Variants in FILIP1L observed in about 807,000 individuals in gnomAD.
FILIP1L encodes filamin A interacting protein 1 like.
Under a neutral mutation model 96.6 loss-of-function variants are expected in FILIP1L, and 55 were observed. The observed-to-expected ratio is 0.57, with a 90% CI of 0.46 to 0.71. The LOEUF (loss-of-function observed/expected upper bound fraction) is 0.71. FILIP1L is among the 30% of genes least tolerant of loss of function. The probability of loss-of-function intolerance (pLI) is 0.00; values close to 1 mark genes in which losing one functional copy is unlikely to be tolerated. For synonymous variants in FILIP1L, 467 were observed against 473.9 expected (o/e 0.99, Z 0.19); for missense variants, 1,304 against 1,321.2 (o/e 0.99, Z 0.20).
At chr3:99,935,818 C>CT (rs1411849962) in intron 1 of FILIP1L, among the ~76,000 whole-genome samples, 1 of 152,096 alleles carries the variant, frequency 6.6e-6, no homozygotes, top group Non-Finnish European at 1.5e-5. Flanking sequence ...TTTACTTGGG[C>CT]TTAAGTTAGT....
chr3:99,846,744 G>C (rs912246958), intron 5 of FILIP1L, among the ~76,000 whole-genome samples: 3 of 152,180 alleles, frequency 2.0e-5, no homozygotes, highest in Non-Finnish European at 4.4e-5. Flanking sequence ...GGGGAAAGGA[G>C]GATAATTGTG....
chr3:99,931,483 G>A (rs1321039378), intron 1 of FILIP1L, among the ~76,000 whole-genome samples: 1 of 152,096 alleles, frequency 6.6e-6, no homozygotes, highest in Admixed American at 6.6e-5. Flanking sequence ...GCTTTTATGG[G>A]GTTTTTTGTT....
intron 1 of FILIP1L, among the ~76,000 whole-genome samples, chr3:99,975,743 T>G (rs141543472): frequency 2.0e-5 from 3 of 152,328 alleles, no homozygotes; most frequent in African/African-American, 7.2e-5. Context: ...TATATACTCA[T>G]ATCAAGGTCA....
intron 1 of FILIP1L, among the ~76,000 whole-genome samples, chr3:100,070,865 A>G (rs1178814260): frequency 6.6e-6 from 1 of 152,186 alleles, no homozygotes; most frequent in Non-Finnish European, 1.5e-5. Flanking sequence ...TCCTGACTTC[A>G]GGCGATCTGC....
intron 1 of FILIP1L, among the ~76,000 whole-genome samples, chr3:100,002,093 G>GA (rs1559721138): frequency 6.6e-6 from 1 of 152,188 alleles, no homozygotes; most frequent in African/African-American, 2.4e-5. Context: ...GCCACTGCAA[G>GA]TGGAAAACAT....
intron 1 of FILIP1L, among the ~76,000 whole-genome samples, chr3:100,048,362 C>A (rs1399226235): frequency 6.6e-6 from 1 of 152,210 alleles, no homozygotes; most frequent in Non-Finnish European, 1.5e-5. Context: ...GCACTGCCAG[C>A]CCTCAAGTAT....
At chr3:100,029,680 T>C (rs1362230376) in intron 1 of FILIP1L, among the ~76,000 whole-genome samples, 3 of 152,186 alleles carry the variant, frequency 2.0e-5, no homozygotes, top group Non-Finnish European at 4.4e-5. Context: ...AAGACTTAAG[T>C]GTGTGAGAAC....
intron 4 of FILIP1L, among the ~76,000 whole-genome samples, chr3:99,882,380 T>G (rs1705757617): frequency 6.6e-6 from 1 of 152,218 alleles, no homozygotes; most frequent in African/African-American, 2.4e-5. Context: ...CTGTCTCATA[T>G]AAGCAGTCAG....
intron 1 of FILIP1L, among the ~76,000 whole-genome samples, chr3:100,019,054 A>G (rs1342288099): frequency 1.3e-5 from 2 of 152,218 alleles, no homozygotes; most frequent in East Asian, 3.8e-4. Context: ...AGTGTTGGCA[A>G]AGTGTGAGGA....
chr3:100,059,438 A>G (rs747376853), intron 1 of FILIP1L, among the ~76,000 whole-genome samples: 9 of 152,044 alleles, frequency 5.9e-5, no homozygotes, highest in Non-Finnish European at 1.3e-4. Flanking sequence ...TCTTCACTCT[A>G]GCCTTGCTTC....
intron 5 of FILIP1L, among the ~76,000 whole-genome samples, chr3:99,847,485 T>C (rs812657): frequency 0.74 from 112,138 of 152,004 alleles, 42,044 homozygotes; most frequent in African/African-American, 0.88. Flanking sequence ...GATTTGTCAA[T>C]GTAACTATAT....
At chr3:99,960,092 T>G (rs1313794031) in intron 1 of FILIP1L, among the ~76,000 whole-genome samples, 1 of 152,168 alleles carries the variant, frequency 6.6e-6, no homozygotes, top group African/African-American at 2.4e-5. Flanking sequence ...AACGATTGGC[T>G]CCATCCCGAC....
intron 1 of FILIP1L, among the ~76,000 whole-genome samples, chr3:100,084,504 T>G (rs1461114115): frequency 1.3e-5 from 2 of 152,210 alleles, no homozygotes; most frequent in Non-Finnish European, 2.9e-5. Flanking sequence ...TCCAAAGATT[T>G]GTTTAAAAGG....
intron 4 of FILIP1L, among the ~76,000 whole-genome samples, chr3:99,878,822 C>G (rs1705626242): frequency 6.6e-6 from 1 of 152,240 alleles, no homozygotes. Flanking sequence ...CAGCTGTTGG[C>G]ATTGTGCGCC....
At chr3:100,079,118 G>A (rs1239911224) in intron 1 of FILIP1L, among the ~76,000 whole-genome samples, 1 of 152,026 alleles carries the variant, frequency 6.6e-6, no homozygotes, top group Non-Finnish European at 1.5e-5. Context: ...CATAATCCAG[G>A]CCTCTCTCCC....
In FILIP1L at chr3:99,829,067, G is replaced by A. The variant is rs772921832; in HGVS notation, c.*1347C>T. 6.6e-6 allele frequency among the ~76,000 whole-genome samples: 1 copy of A among 152,134 alleles called. No individual in the cohort carries two copies. Among genetic ancestry groups the A allele is most frequent in the Non-Finnish European group, 1.5e-5 (1 of 68,024 alleles). On this transcript the variant is annotated 3_prime_UTR_variant, in exon 6 of 6. Coordinates refer to ENST00000477258, the MANE Select transcript of FILIP1L (RefSeq NM_001387850.1). ...GCATTAGTGCAATGAGGTGGACTTA[G>A]TTAGATAAGTATGGGGAATGGGAGT...
At chr3:99,858,418 T>C (rs1413438440) in intron 4 of FILIP1L, among the ~76,000 whole-genome samples, 1 of 151,940 alleles carries the variant, frequency 6.6e-6, no homozygotes, top group African/African-American at 2.4e-5. Flanking sequence ...TGAGCTGAGA[T>C]CACACCACTG....
intron 1 of FILIP1L, among the ~76,000 whole-genome samples, chr3:99,947,304 A>C (rs1708041426): frequency 6.6e-6 from 1 of 152,184 alleles, no homozygotes; most frequent in Non-Finnish European, 1.5e-5. Flanking sequence ...CTGTTATACT[A>C]TACATATTGT....
intron 1 of FILIP1L, among the ~76,000 whole-genome samples, chr3:99,950,493 A>G (rs1328466705): frequency 6.6e-6 from 1 of 152,062 alleles, no homozygotes; most frequent in East Asian, 1.9e-4. Context: ...ACTTCTTTAT[A>G]TTATCTTCCG....
Sources: allele counts gnomAD v4.1 joint callset (sites outside exome capture counted in the v4.1 genomes callset), GRCh38; gene constraint gnomAD v4.1.1; transcripts MANE v1.5; gene names NCBI Gene and HGNC (gene_info 2026-07-23, HGNC 2026-07-21).